Variants in ENAH observed in about 807,000 individuals in gnomAD.
ENAH encodes the protein protein enabled homolog.
ENAH carries 23 observed loss-of-function variants against 78.7 expected under a neutral mutation model. The ratio of observed to expected loss-of-function variants is 0.29; its 90% CI spans 0.21 to 0.41. The LOEUF is 0.41. ENAH is among the 10% of genes least tolerant of loss of function. The pLI is 1.00. For synonymous variants in ENAH, 226 were observed against 241.0 expected (o/e 0.94, Z 0.58); for missense variants, 544 against 691.0 (o/e 0.79, Z 2.39).
At chr1:225,582,286 T>C (rs1412212220) in intron 1 of ENAH, among the ~76,000 whole-genome samples, 1 of 152,200 alleles carries the variant, frequency 6.6e-6, no homozygotes, top group Non-Finnish European at 1.5e-5. Context: ...GTAAAGCCTA[T>C]GGAACCGTAA....
In ENAH at chr1:225,517,396, T is replaced by C. The variant is rs1291544978; in HGVS notation, c.803-90A>G. 1.2e-5 allele frequency: 18 copies of C among 1,551,382 alleles called. No homozygotes were observed. In the South Asian group the frequency reaches 2.0e-4, roughly 17 times the overall value. On this transcript the variant is annotated intron_variant, in intron 5 of 13. Transcript: ENST00000366843. ...AGGAGGAGAAGCTTGAGATCCACAG[T>C]GTGAGAGTGATGCGAGGGAAGGCAG...
chr1:225,543,227 G>C (rs886334937), intron 3 of ENAH, among the ~76,000 whole-genome samples: 2 of 152,146 alleles, frequency 1.3e-5, no homozygotes, highest in African/African-American at 4.8e-5. Flanking sequence ...AAGTGGGACT[G>C]ATTTCAAGGC....
intron 1 of ENAH, among the ~76,000 whole-genome samples, chr1:225,593,409 G>T (rs1287905503): frequency 0.034 from 4,273 of 124,220 alleles, 316 homozygotes; most frequent in South Asian, 0.086. Context: ...GTGGGGGGGG[G>T]GGGGGGGGTG....
chr1:225,554,178 A>G (rs2096655125), intron 3 of ENAH, among the ~76,000 whole-genome samples: 1 of 152,168 alleles, frequency 6.6e-6, no homozygotes, highest in Non-Finnish European at 1.5e-5. Flanking sequence ...AAGAGTAATC[A>G]TATTTGTGTT....
chr1:225,533,847 C>T (rs2096549489), intron 3 of ENAH, among the ~76,000 whole-genome samples: 1 of 152,064 alleles, frequency 6.6e-6, no homozygotes, highest in Non-Finnish European at 1.5e-5. Context: ...TAGCCACAGA[C>T]TATTTAAAAA....
intron 2 of ENAH, among the ~76,000 whole-genome samples, chr1:225,555,609 C>CA (rs892515602): frequency 1.1e-4 from 17 of 150,298 alleles, no homozygotes; most frequent in African/African-American, 3.9e-4. Flanking sequence ...ATCAGCAAAA[C>CA]AAAAAAAAAT....
intron 1 of ENAH, among the ~76,000 whole-genome samples, chr1:225,624,998 G>A (rs1657683629): frequency 6.6e-6 from 1 of 152,174 alleles, no homozygotes; most frequent in South Asian, 2.1e-4. Context: ...AGCTCATGGT[G>A]GAGAACTGTG....
At chr1:225,611,558 A>G (rs2096989215) in intron 1 of ENAH, among the ~76,000 whole-genome samples, 1 of 152,118 alleles carries the variant, frequency 6.6e-6, no homozygotes, top group Non-Finnish European at 1.5e-5. Flanking sequence ...ACCTCGGGTG[A>G]TCCACCTGCC....
chr1:225,624,807 TA>T (rs2148293994), intron 1 of ENAH, among the ~76,000 whole-genome samples: 1 of 152,242 alleles, frequency 6.6e-6, no homozygotes, highest in East Asian at 1.9e-4. Flanking sequence ...TAAGGTCCCC[TA>T]AAAGGAAAAT....
rs34432111 is a variant in ENAH, at chr1:225,519,569, GAAA to G, written c.435-7_435-5del. The G allele has an allele frequency of 2.2e-4, 323 of 1,489,202 alleles. No individual in the cohort carries two copies. Among genetic ancestry groups the G allele is most frequent in the Admixed American group, 6.7e-4 (30 of 44,966 alleles). 92.2% of individuals were successfully genotyped at this position (1,489,202 alleles called of 1,614,324 possible). On this transcript the variant is annotated splice_region_variant and splice_polypyrimidine_tract_variant and intron_variant, in intron 4 of 13. Transcript: ENST00000366843. ...CCGTTGCTGTTCTTGTAGTTGTCTGGAAAAAAAAAAAAAAAAGTAAAAACATGC... is the reference window on the plus strand; with the variant it reads ...CCGTTGCTGTTCTTGTAGTTGTCTGGAAAAAAAAAAAAAGTAAAAACATGC...
intron 4 of ENAH, among the ~76,000 whole-genome samples, chr1:225,528,414 T>C (rs571527475): frequency 6.6e-6 from 1 of 151,240 alleles, no homozygotes; most frequent in African/African-American, 2.4e-5. Context: ...CATGAGGGGG[T>C]GAAACACAAA....
intron 2 of ENAH, among the ~76,000 whole-genome samples, chr1:225,560,287 T>G (rs2096695256): frequency 6.6e-6 from 1 of 151,248 alleles, no homozygotes; most frequent in African/African-American, 2.4e-5. Flanking sequence ...AGGTCAGGAG[T>G]TCGAGACCAG....
Position 225,652,407 on chromosome 1 carries a change from C to A in ENAH, c.5+279G>T, listed in dbSNP as rs540289466. ...CAAAGGCTTGGGGGAGGGAGCCAGG[C>A]GCAAATTAAATTTAGGAAGGGAAAT... On this transcript the variant is annotated intron_variant, in intron 1 of 13. Coordinates refer to ENST00000366843, the MANE Select transcript of ENAH (RefSeq NM_018212.6). 3.2e-5 allele frequency: 32 copies of A among 985,218 alleles called. No homozygotes were observed. The African/African-American group carries it at 5.2e-4, about 16-fold the overall frequency. 61.0% of individuals were successfully genotyped at this position (985,218 alleles called of 1,614,324 possible).
chr1:225,554,679 C>T (rs2096657853), intron 3 of ENAH, among the ~76,000 whole-genome samples: 1 of 152,154 alleles, frequency 6.6e-6, no homozygotes, highest in Admixed American at 6.5e-5. Flanking sequence ...GAACTAAACT[C>T]ACAGGATTAT....
In ENAH at chr1:225,554,955, G is replaced by A. The variant is rs1211069815; in HGVS notation, c.300C>T (p.Phe100=). 2.4e-5 allele frequency: 39 copies of A among 1,603,392 alleles called. No individual in the cohort carries two copies. Among genetic ancestry groups the A allele is most frequent in the Admixed American group, 3.3e-5 (2 of 59,930 alleles). The change falls in exon 3 of 14, where the codon TTC becomes TTT. Residue 100 remains phenylalanine (F), a synonymous_variant. Transcript: ENST00000366843. ...NFGSKEDANV[F]ASAMMHALEV... is the part of the protein sequence containing the mutation. The stretch of plus-strand genomic sequence containing the variant: ...CTAAGGCATGCATCATGGCACTTGC[G>A]AAGACATTGGCATCCTCTTTGCTGC...
At chr1:225,534,279 T>G (rs2096551200) in intron 3 of ENAH, among the ~76,000 whole-genome samples, 1 of 152,086 alleles carries the variant, frequency 6.6e-6, no homozygotes, top group South Asian at 2.1e-4. Flanking sequence ...TGTTTCATTG[T>G]GGGATCTGGG....
intron 1 of ENAH, among the ~76,000 whole-genome samples, chr1:225,578,619 A>G (rs2096799681): frequency 6.6e-6 from 1 of 152,246 alleles, no homozygotes; most frequent in Non-Finnish European, 1.5e-5. Flanking sequence ...AAAAAATTCA[A>G]GCAATGCTCT....
intron 7 of ENAH, among the ~76,000 whole-genome samples, chr1:225,513,741 C>T (rs535170164): frequency 1.8e-4 from 27 of 152,148 alleles, no homozygotes; most frequent in Non-Finnish European, 2.8e-4. Context: ...CCTGTAATCC[C>T]GGCACTGTGG....
chr1:225,643,002 G>A (rs1661354048), intron 1 of ENAH, among the ~76,000 whole-genome samples: 3 of 152,254 alleles, frequency 2.0e-5, no homozygotes, highest in East Asian at 1.9e-4. Flanking sequence ...ATCTGGTAAC[G>A]TGTATCAAAA....
Sources: allele counts gnomAD v4.1 joint callset (sites outside exome capture counted in the v4.1 genomes callset), GRCh38; gene constraint gnomAD v4.1.1; transcripts MANE v1.5; gene names NCBI Gene and HGNC (gene_info 2026-07-23, HGNC 2026-07-21).